Variants in PRKAR1A observed in about 807,000 individuals in gnomAD.
PRKAR1A encodes the protein protein kinase cAMP-dependent type I regulatory subunit alpha.
In PRKAR1A, 3 loss-of-function variants were observed where a neutral mutation model predicts 52.0. That is an observed-to-expected ratio of 0.06 (90% CI 0.03 to 0.15). PRKAR1A has a LOEUF of 0.15. Among genes scored for constraint, PRKAR1A ranks in the 10% least tolerant of loss-of-function variants. The pLI is 1.00. For synonymous variants in PRKAR1A, 188 were observed against 168.4 expected (o/e 1.12, Z -0.90); for missense variants, 240 against 477.4 (o/e 0.50, Z 4.63).
At chr17:68,525,030 A>G (rs540164035) in intron 6 of PRKAR1A, 72 bp downstream of exon 6, 2 of 1,293,496 alleles carry the variant, frequency 1.5e-6, no homozygotes, top group East Asian at 2.3e-5. Context: ...AGCAATAAGA[A>G]TAGTGATTTT....
At chr17:68,490,145 G>A in the PRKAR1A span, among the ~76,000 whole-genome samples, 3 of 152,204 alleles carry the variant, frequency 2.0e-5, no homozygotes, top group Non-Finnish European at 4.4e-5. Context: ...GAAGCCAGCC[G>A]GCCTGAGCAG....
At chr17:68,523,895 T>G (rs966821023) in intron 4 of PRKAR1A, 79 bp downstream of exon 4, 4 of 1,576,178 alleles carry the variant, frequency 2.5e-6, no homozygotes, top group Middle Eastern at 1.7e-4. Flanking sequence ...TGTTGCAAGT[T>G]TTAGAGCTCT....
chr17:68,546,700 G>A (rs1386413920), intron 11 of PRKAR1A, among the ~76,000 whole-genome samples: 1 of 151,706 alleles, frequency 6.6e-6, no homozygotes, highest in Non-Finnish European at 1.5e-5. Context: ...CATGGTGGCC[G>A]GCGCCTGTAG....
the PRKAR1A span, among the ~76,000 whole-genome samples, chr17:68,504,794 A>G: frequency 1.7e-4 from 26 of 152,240 alleles, 1 homozygote; most frequent in Admixed American, 1.6e-3. Context: ...ATAGTAAAAA[A>G]TAATTTAATT....
chr17:68,492,112 CG>C, the PRKAR1A span, among the ~76,000 whole-genome samples: 10 of 152,306 alleles, frequency 6.6e-5, no homozygotes, highest in African/African-American at 2.2e-4. Flanking sequence ...TAACAGGGAG[CG>C]TGTGTTTAAG....
the PRKAR1A span, among the ~76,000 whole-genome samples, chr17:68,423,124 C>G: frequency 1.3e-5 from 2 of 152,268 alleles, no homozygotes; most frequent in Middle Eastern, 3.4e-3. This position sits in a 1 kb window ranked among gnomAD's most constrained non-coding sequence, Gnocchi z 4.4. Context: ...CGATTTTAAC[C>G]AAGCTGAGAC....
the PRKAR1A span, among the ~76,000 whole-genome samples, chr17:68,489,210 A>ATATATATATATATATGTAAAG: frequency 2.1e-5 from 1 of 47,124 alleles, no homozygotes; most frequent in Non-Finnish European, 3.6e-5. Context: ...ATATATATAT[A>ATATATATATATATATGTAAAG]TATATATATA....
At chr17:68,418,566 A>G in the PRKAR1A span, among the ~76,000 whole-genome samples, 2 of 152,240 alleles carry the variant, frequency 1.3e-5, no homozygotes, top group Non-Finnish European at 2.9e-5. Flanking sequence ...TTCAAATTTT[A>G]TTTCTGGCCA....
At chr17:68,428,510 G>A in the PRKAR1A span, 1 of 237,764 alleles carries the variant, frequency 4.2e-6, no homozygotes, top group Non-Finnish European at 8.4e-6. Flanking sequence ...CGGGATTACA[G>A]GTGTGAGCCG....
the PRKAR1A span, chr17:68,421,514 T>C: frequency 1.6e-3 from 827 of 503,854 alleles, 6 homozygotes; most frequent in African/African-American, 0.014. Flanking sequence ...ACCAATATGG[T>C]TAATTAGCAT....
chr17:68,511,672 G>C (rs1019414882), upstream of PRKAR1A: 1 of 151,568 alleles, frequency 6.6e-6, no homozygotes, highest in Non-Finnish European at 1.5e-5. Flanking sequence ...CGGCGGGGGA[G>C]AGCGGCCCCA....
Position 68,542,652 on chromosome 17 carries a change from G to T in PRKAR1A, c.974-8432G>T, listed in dbSNP as rs75550131. On this transcript the variant is annotated intron_variant, in intron 11 of 11. Transcript: ENST00000585981. ...TGGAGGGGTGGACACTCTGGCTTAC[G>T]ATCTACTCAGACCCGGAATATCACT... 1.3e-5 allele frequency: 19 copies of T among 1,486,844 alleles called. 1 individual carries two copies. The South Asian group carries it at 1.6e-4, about 12-fold the overall frequency. The allele number at this position is 1,486,844 out of a possible 1,614,324, so 92.1% of individuals were successfully genotyped here.
chr17:68,540,064 T>TGAGAGACAGGGGTGTGAAC, intron 11 of PRKAR1A: 1 of 1,028,458 alleles, frequency 9.7e-7, no homozygotes. Context: ...TGTCATCACT[T>TGAGAGACAGGGGTGTGAAC]GAGAGACAGG....
At chr17:68,503,718 T>C in the PRKAR1A span, among the ~76,000 whole-genome samples, 2 of 152,062 alleles carry the variant, frequency 1.3e-5, no homozygotes, top group Admixed American at 6.5e-5. Flanking sequence ...CCAATTTAAA[T>C]ATGGGCAAAA....
the PRKAR1A span, among the ~76,000 whole-genome samples, chr17:68,470,084 A>ATT: frequency 8.5e-5 from 12 of 141,130 alleles, no homozygotes; most frequent in Admixed American, 2.1e-4. Flanking sequence ...AACATCTTAG[A>ATT]TTTTTTTTTT....
At chr17:68,465,237 C>T in the PRKAR1A span, among the ~76,000 whole-genome samples, 8 of 151,992 alleles carry the variant, frequency 5.3e-5, no homozygotes, top group South Asian at 2.1e-4. Context: ...CGGCCCCGGC[C>T]GGGTTATTTT....
chr17:68,455,762 G>A, the PRKAR1A span, among the ~76,000 whole-genome samples: 2 of 152,166 alleles, frequency 1.3e-5, no homozygotes, highest in Non-Finnish European at 2.9e-5. Context: ...CTGGGACTTT[G>A]CGTTATTTAA....
chr17:68,449,947 G>C, the PRKAR1A span, among the ~76,000 whole-genome samples: 3 of 152,162 alleles, frequency 2.0e-5, no homozygotes, highest in Non-Finnish European at 4.4e-5. Context: ...GGAGATGGAG[G>C]CTGCAGTGAG....
chr17:68,471,492 G>A, the PRKAR1A span, among the ~76,000 whole-genome samples: 1 of 152,194 alleles, frequency 6.6e-6, no homozygotes, highest in Non-Finnish European at 1.5e-5. Flanking sequence ...TCAGAGAGCA[G>A]AACCATCCAG....
Sources: allele counts gnomAD v4.1 joint callset (sites outside exome capture counted in the v4.1 genomes callset), GRCh38; gene constraint gnomAD v4.1.1; non-coding constraint Gnocchi (gnomAD v3.1); transcripts MANE v1.5; gene names NCBI Gene and HGNC (gene_info 2026-07-23, HGNC 2026-07-21).